PRKAA1: variants seen among roughly 807,000 people sequenced by gnomAD.
The protein encoded by PRKAA1 is protein kinase AMP-activated catalytic subunit alpha 1, also known as 5'-AMP-activated protein kinase catalytic subunit alpha-1.
PRKAA1 carries 23 observed loss-of-function variants against 56.9 expected under a neutral mutation model. That is an observed-to-expected ratio of 0.40 (90% confidence interval 0.29 to 0.57). The LOEUF (loss-of-function observed/expected upper bound fraction) is 0.57, where lower values mean the gene tolerates loss of function less well. Among genes scored for constraint, PRKAA1 ranks in the 20% least tolerant of loss-of-function variants. PRKAA1 has a pLI of 0.39. For missense variants in PRKAA1, 413 were observed against 679.7 expected, an observed-to-expected ratio of 0.61 and a Z score of 4.36; for synonymous variants, 226 against 227.0, an observed-to-expected ratio of 1.00 and a Z score of 0.04.
rs1283686416 is a variant in PRKAA1 at position 40,771,393 on chromosome 5, C to T, written c.508+326G>A. ...TAGTGCACGCCTGCAGTCCCAGCTA[C>T]TCAGGAGGCTGAGGCAGGAGGGTCA... On this transcript the variant is annotated intron_variant, in intron 4 of 8. Coordinates refer to ENST00000397128, the MANE Select transcript of PRKAA1 (RefSeq NM_006251.6). 3.9e-5 allele frequency among the ~76,000 whole-genome samples: 6 copies of T among 152,160 alleles called. No homozygotes were observed. In the East Asian group the frequency reaches 1.2e-3, roughly 29 times the overall value.
rs1743184411 is a variant in PRKAA1 at position 40,761,463 on chromosome 5, T to C, written c.*1315A>G. 1 of 152,178 alleles carries C rather than the reference T, an allele frequency of 6.6e-6. No homozygotes were observed. Among genetic ancestry groups the C allele is most frequent in the African/African-American group, 2.4e-5 (1 of 41,440 alleles). The allele number at this position is 152,178 out of a possible 1,614,324, so 9.4% of individuals were successfully genotyped here. A position where few individuals can be genotyped will look rare whatever the true frequency, so the allele number is the denominator to read the frequency against. ...AAACACATATATGCATATATATGCA[T>C]AACTAGCTGTATCTATACATATATA... On this transcript the variant is annotated 3_prime_UTR_variant, in exon 9 of 9. Coordinates refer to ENST00000397128, the MANE Select transcript of PRKAA1 (RefSeq NM_006251.6).
At chr5:40,765,646 T>A (rs1327255483) in intron 6 of PRKAA1, among the ~76,000 whole-genome samples, 1 of 152,194 alleles carries the variant, frequency 6.6e-6, no homozygotes, top group Non-Finnish European at 1.5e-5. Flanking sequence ...GTACTTACTA[T>A]ATGCTAAGTT....
intron 1 of PRKAA1, among the ~76,000 whole-genome samples, chr5:40,782,962 G>A (rs978028622): frequency 2.6e-5 from 4 of 152,086 alleles, no homozygotes; most frequent in African/African-American, 9.7e-5. Context: ...TAAATTAATT[G>A]TTTTAAAGTA....
intron 1 of PRKAA1, among the ~76,000 whole-genome samples, chr5:40,782,426 G>T (rs141847409): frequency 1.1e-4 from 16 of 152,088 alleles, no homozygotes; most frequent in South Asian, 2.1e-4. Context: ...AAGCAACCTG[G>T]GCTATGGGAC....
At chr5:40,797,623 C>T (rs1744985507) in intron 1 of PRKAA1, among the ~76,000 whole-genome samples, 1 of 152,194 alleles carries the variant, frequency 6.6e-6, no homozygotes, top group Non-Finnish European at 1.5e-5. Flanking sequence ...ACGGAAATAC[C>T]GACAACGCCA....
intron 5 of PRKAA1, 62 bp downstream of exon 5, chr5:40,769,354 C>T (rs916071287): frequency 3.0e-6 from 4 of 1,338,696 alleles, no homozygotes; most frequent in Middle Eastern, 1.9e-4. Context: ...TATAGACTAA[C>T]AAAATCTAGG....
At chr5:40,795,378 TAAC>T (rs1744883813) in intron 1 of PRKAA1, among the ~76,000 whole-genome samples, 1 of 151,880 alleles carries the variant, frequency 6.6e-6, no homozygotes, top group Non-Finnish European at 1.5e-5. Flanking sequence ...TGTACCCCAA[TAAC>T]TTAAAGAAAA....
chr5:40,789,036 C>T (rs1213822726), intron 1 of PRKAA1, among the ~76,000 whole-genome samples: 1 of 151,914 alleles, frequency 6.6e-6, no homozygotes, highest in African/African-American at 2.4e-5. Flanking sequence ...CACAGTGAGA[C>T]CTTGTCTCTA....
At position 40,771,875 on chromosome 5, in the gene PRKAA1, TAGAG is replaced by T; in HGVS notation, c.364-16_364-13del. 1 of 1,607,026 alleles carries T rather than the reference TAGAG, an allele frequency of 6.2e-7. No individual in the cohort carries two copies. The highest frequency in any genetic ancestry group is 1.1e-5 in the South Asian group (1 of 88,928). On this transcript the variant is annotated splice_polypyrimidine_tract_variant and intron_variant, in intron 3 of 8. Coordinates refer to ENST00000397128, the MANE Select transcript of PRKAA1 (RefSeq NM_006251.6). ...TCTTTTTCATCCAGCTAAGAAAAGT[TAGAG>T]AGGCTTTTTAAAGGTGTGTCTTTCA...
chr5:40,770,265 C>A (rs1397565666), intron 4 of PRKAA1, among the ~76,000 whole-genome samples: 1 of 152,100 alleles, frequency 6.6e-6, no homozygotes, highest in East Asian at 1.9e-4. Flanking sequence ...GAGTTCGAGT[C>A]CGGCCTGGCC....
At chr5:40,770,107 AATAGATATAGTT>A (rs1273484950) in intron 4 of PRKAA1, among the ~76,000 whole-genome samples, 1 of 80,244 alleles carries the variant, frequency 1.2e-5, no homozygotes, top group African/African-American at 3.8e-5. Context: ...TGAACATTTA[AATAGATATAGTT>A]ATAGATATAG....
chr5:40,783,335 A>G (rs956622107), intron 1 of PRKAA1, among the ~76,000 whole-genome samples: 3 of 148,668 alleles, frequency 2.0e-5, no homozygotes, highest in African/African-American at 7.5e-5. Flanking sequence ...AAAAAATTAT[A>G]TATGCATTTT....
At chr5:40,791,014 G>A (rs1216110466) in intron 1 of PRKAA1, among the ~76,000 whole-genome samples, 4 of 152,178 alleles carry the variant, frequency 2.6e-5, no homozygotes, top group African/African-American at 9.7e-5. Flanking sequence ...AGTTGGGACA[G>A]GTCTTCCGAC....
chr5:40,765,320 T>C (rs1561167020), intron 6 of PRKAA1, 82 bp from the exon 7 acceptor site: 29 of 1,410,280 alleles, frequency 2.1e-5, no homozygotes, highest in South Asian at 4.4e-5. Context: ...ATTTAGAATA[T>C]GACTTAATTT....
intron 1 of PRKAA1, among the ~76,000 whole-genome samples, chr5:40,780,118 TTAGAC>T (rs1010132762): frequency 6.6e-6 from 1 of 152,192 alleles, no homozygotes; most frequent in African/African-American, 2.4e-5. Context: ...TCACTTGTGT[TTAGAC>T]TAGAGCGGTT....
Position 40,785,839 on chromosome 5 carries a change from CAG to C in PRKAA1, c.128-8255_128-8254del, listed in dbSNP as rs10594859. Among the ~76,000 whole-genome samples, 382 of 58,508 alleles carry C rather than the reference CAG, an allele frequency of 6.5e-3. 4 individuals are homozygous for C. The South Asian group carries it at 0.1, about 15-fold the overall frequency. 38.4% of individuals were successfully genotyped at this position (58,508 alleles called of 152,430 possible). A position where few individuals can be genotyped will look rare whatever the true frequency, so the allele number is the denominator to read the frequency against. On this transcript the variant is annotated intron_variant, in intron 1 of 8. Transcript: ENST00000397128. Reference sequence around the variant, plus strand: ...AGAGGAGAGCACACACACACACACACAGAGAGAGAGAGAGAGAGAGAGAGAGA... The same window carrying C: ...AGAGGAGAGCACACACACACACACACAGAGAGAGAGAGAGAGAGAGAGAGA...
chr5:40,764,465 C>A, intron 8 of PRKAA1, 49 bp downstream of exon 8: 1 of 1,519,714 alleles, frequency 6.6e-7, no homozygotes, highest in Admixed American at 2.0e-5. Context: ...CGTAAAATAC[C>A]AAGTTAGTAA....
chr5:40,774,913 A>T (rs1357380669), intron 3 of PRKAA1: 1 of 1,576,736 alleles, frequency 6.3e-7, no homozygotes, highest in Non-Finnish European at 8.7e-7. Context: ...TAAATTCTTT[A>T]TATCTAATTC....
At chr5:40,773,280 G>GA (rs1053768081) in intron 3 of PRKAA1, among the ~76,000 whole-genome samples, 39 of 151,090 alleles carry the variant, frequency 2.6e-4, no homozygotes, top group African/African-American at 9.0e-4. Context: ...GGTTCATGGG[G>GA]AAAAAAAAGA....
Sources: allele counts gnomAD v4.1 joint callset (sites outside exome capture counted in the v4.1 genomes callset), GRCh38; gene constraint gnomAD v4.1.1; transcripts MANE v1.5; gene names NCBI Gene and HGNC (gene_info 2026-07-23, HGNC 2026-07-21).